Variants in MYH16 observed in about 807,000 individuals in gnomAD.
MYH16 encodes putative uncharacterized protein MYH16.
intron 33 of MYH16, among the ~76,000 whole-genome samples, chr7:99,295,936 G>A (rs1376698154): frequency 6.6e-6 from 1 of 151,184 alleles, no homozygotes; most frequent in East Asian, 1.9e-4. Context: ...GAGGTCAGGA[G>A]TTTGAGAGCA....
chr7:99,290,351 G>C (rs1335822388), intron 30 of MYH16, among the ~76,000 whole-genome samples: 1 of 151,794 alleles, frequency 6.6e-6, no homozygotes, highest in Non-Finnish European at 1.5e-5. Flanking sequence ...GCTGGGTGTG[G>C]TGGCGCACAC....
intron 31 of MYH16, among the ~76,000 whole-genome samples, 167 bp downstream of exon 12, chr7:99,291,617 A>ACCCCCCC (rs34446113): frequency 1.1e-4 from 12 of 105,944 alleles, no homozygotes; most frequent in African/African-American, 3.1e-4. Flanking sequence ...ACACAGCAAG[A>ACCCCCCC]CCCCCCCCCA....
exon 29 of MYH16, chr7:99,288,122 G>A (rs1235070122): frequency 6.6e-6 from 3 of 456,514 alleles, no homozygotes; most frequent in South Asian, 1.5e-5. Flanking sequence ...GCATGGAGAC[G>A]ATACAGAAGT....
At chr7:99,242,761 C>T (rs1584339101) in intron 1 of MYH16, among the ~76,000 whole-genome samples, 1 of 152,188 alleles carries the variant, frequency 6.6e-6, no homozygotes, top group African/African-American at 2.4e-5. Flanking sequence ...CTCTTCCCCC[C>T]ACCCTTCTCA....
At chr7:99,241,694 A>G (rs185434382) in intron 1 of MYH16, among the ~76,000 whole-genome samples, 200 of 152,318 alleles carry the variant, frequency 1.3e-3, no homozygotes, top group African/African-American at 4.5e-3. Context: ...CAAGATTTCA[A>G]ATTATCTGCC....
chr7:99,303,467 T>C (rs1792635086), intron 39 of MYH16, among the ~76,000 whole-genome samples: 1 of 152,246 alleles, frequency 6.6e-6, no homozygotes. Flanking sequence ...GCCATCAAAG[T>C]GGGTTCATCT....
At chr7:99,248,113 CTTTAT>C (rs1791755918) in intron 3 of MYH16, among the ~76,000 whole-genome samples, 1 of 151,974 alleles carries the variant, frequency 6.6e-6, no homozygotes, top group Admixed American at 6.6e-5. Flanking sequence ...TGATTTTTTT[CTTTAT>C]TTTGAGATAG....
exon 21 of MYH16, chr7:99,277,692 C>CTCACCA (rs1562780343): frequency 2.2e-6 from 1 of 456,498 alleles, no homozygotes; most frequent in Admixed American, 2.4e-5. Flanking sequence ...GAAGAATGAC[C>CTCACCA]TCACCATCCA....
chr7:99,249,107 G>A (rs957510308), intron 4 of MYH16: 1 of 152,578 alleles, frequency 6.6e-6, no homozygotes, highest in Non-Finnish European at 1.5e-5. Flanking sequence ...TTAATTGCGG[G>A]ACTTTGTTTG....
At chr7:99,297,597 A>G in intron 34 of MYH16, 63 bp from the exon 16 acceptor site, 1 of 423,162 alleles carries the variant, frequency 2.4e-6, no homozygotes, top group South Asian at 1.7e-5. Context: ...TGGAGGAATG[A>G]CGGTGCCACC....
At chr7:99,248,828 C>A (rs964486269) in intron 3 of MYH16, among the ~76,000 whole-genome samples, 63 of 152,212 alleles carry the variant, frequency 4.1e-4, no homozygotes, top group Admixed American at 9.8e-4. Context: ...CACGTGGCCA[C>A]AGATCCCACA....
chr7:99,251,769 A>G (rs1791810931), intron 6 of MYH16, among the ~76,000 whole-genome samples: 1 of 152,190 alleles, frequency 6.6e-6, no homozygotes, highest in Non-Finnish European at 1.5e-5. Context: ...CAGGAGTTTG[A>G]GACCAGCCTC....
chr7:99,240,831 C>A (rs1289096875), intron 1 of MYH16, among the ~76,000 whole-genome samples: 2 of 107,228 alleles, frequency 1.9e-5, no homozygotes, highest in African/African-American at 5.7e-5. Context: ...CAGACAGAAA[C>A]CTTGTCTCAA....
chr7:99,249,585 T>TG (rs1242680833), intron 4 of MYH16, among the ~76,000 whole-genome samples: 2,119 of 113,604 alleles, frequency 0.019, 64 homozygotes, highest in African/African-American at 0.06. Flanking sequence ...TTTTTTTTTT[T>TG]TTTTTTTTTT....
chr7:99,268,130 C>CTG (rs1306875998), intron 18 of MYH16, among the ~76,000 whole-genome samples: 1 of 152,184 alleles, frequency 6.6e-6, no homozygotes, highest in Non-Finnish European at 1.5e-5. Context: ...TTATAATACT[C>CTG]TGTGTGTGTG....
chr7:99,305,043 G>T, intron 40 of MYH16, among the ~76,000 whole-genome samples: 1 of 152,018 alleles, frequency 6.6e-6, no homozygotes, highest in South Asian at 2.1e-4. Flanking sequence ...TGTTAAATTA[G>T]CTGGGTGTGG....
intron 28 of MYH16, among the ~76,000 whole-genome samples, chr7:99,287,224 G>C (rs1283227385): frequency 6.6e-6 from 1 of 151,964 alleles, no homozygotes; most frequent in Non-Finnish European, 1.5e-5. Context: ...AAGGGCAGTA[G>C]TATAGTGAGT....
rs377013659 is a variant in MYH16, at chr7:99,280,196, A to G, written n.2887+459A>G. ...CCCACATGGGGCTATTGTAACATCT[A>G]TTAATTTACAACTTAAAATGCAATT... On this transcript the variant is annotated intron_variant and non_coding_transcript_variant, in intron 22 of 41. Transcript: ENST00000439784. Among the ~76,000 whole-genome samples the G allele has an allele frequency of 1.6e-4, 24 of 152,382 alleles. 1 individual carries two copies. In the East Asian group the frequency reaches 1.9e-3, roughly 12 times the overall value.
exon 41 of MYH16, chr7:99,305,980 C>T (rs576406713): frequency 1.3e-5 from 2 of 152,788 alleles, no homozygotes; most frequent in South Asian, 4.1e-4. Context: ...CATGCAGGCG[C>T]TGGTGGAGAA....
Sources: allele counts gnomAD v4.1 joint callset (sites outside exome capture counted in the v4.1 genomes callset), GRCh38; gene constraint gnomAD v4.1.1; transcripts MANE v1.5; gene names NCBI Gene and HGNC (gene_info 2026-07-23, HGNC 2026-07-21).